The following SCARB2 variants were observed in gnomAD, a reference collection of about 807,000 sequenced individuals.
SCARB2 encodes the protein scavenger receptor class B member 2.
Under a neutral mutation model 58.6 loss-of-function variants are expected in SCARB2, and 29 were observed. The ratio of observed to expected loss-of-function variants is 0.49; its 90% confidence interval spans 0.37 to 0.67. The LOEUF is 0.67. SCARB2 is among the 30% of genes least tolerant of loss of function. SCARB2 has a pLI of 0.00. For missense variants in SCARB2, 488 were observed against 578.5 expected, an observed-to-expected ratio of 0.84 and a Z score of 1.60; for synonymous variants, 195 against 210.1, an observed-to-expected ratio of 0.93 and a Z score of 0.62.
At chr4:76,180,850 C>A in intron 3 of SCARB2, 104 bp downstream of exon 3, 2 of 967,204 alleles carry the variant, frequency 2.1e-6, no homozygotes. Flanking sequence ...ATGTATATTT[C>A]AACATAACTT....
In SCARB2 at chr4:76,210,310, T is replaced by C. The variant is rs10034234; in HGVS notation, c.117+3117A>G. 6.9e-3 allele frequency among the ~76,000 whole-genome samples: 1,048 copies of C among 152,262 alleles called. 9 individuals carry two copies. Among genetic ancestry groups the C allele is most frequent in the African/African-American group, 0.024 (977 of 41,532 alleles). On this transcript the variant is annotated intron_variant, in intron 1 of 11. Coordinates refer to ENST00000264896, the MANE Select transcript of SCARB2 (RefSeq NM_005506.4). ...TGTTCAGCTTAGTCCAAGAAATCCT[T>C]AGGGACAGAAAAAAAATGTTTGATT...
At chr4:76,187,580 T>C (rs1270182369) in intron 2 of SCARB2, among the ~76,000 whole-genome samples, 4 of 152,208 alleles carry the variant, frequency 2.6e-5, no homozygotes, top group African/African-American at 4.8e-5. Flanking sequence ...AAAAATCCTA[T>C]GCTATAACAT....
Position 76,169,967 on chromosome 4 carries a change from G to T in SCARB2, c.1013C>A (p.Ser338Tyr). The change falls in exon 8 of 12, where the codon TCT (serine) becomes TAT (tyrosine). Residue 338 changes from serine to tyrosine, a missense_variant. By Grantham distance (144) the Ser-to-Tyr change is moderately radical (BLOSUM62 -2). Coordinates refer to ENST00000264896, the MANE Select transcript of SCARB2 (RefSeq NM_005506.4). ...ATCTGCTTGGTAAAAGTGTGGGAAA[G>T]ACATAATGATGGGTGCACCTGCATT... is the stretch of plus-strand genomic sequence containing the variant. ...ICKNGAPIIMSFPHFYQADER... is the reference protein window; with the variant it reads ...ICKNGAPIIMYFPHFYQADER... 6.2e-7 allele frequency: 1 copy of T among 1,613,852 alleles called. No homozygotes were observed. The highest frequency in any genetic ancestry group is 8.5e-7 in the Non-Finnish European group (1 of 1,179,818).
intron 2 of SCARB2, among the ~76,000 whole-genome samples, chr4:76,190,602 G>A (rs6831345): frequency 0.1 from 15,494 of 152,088 alleles, 1,015 homozygotes; most frequent in East Asian, 0.21. Context: ...TGGTCAACAT[G>A]GTGAAACCTT....
At chr4:76,213,113 T>C (rs931134478) in intron 1 of SCARB2, 24 of 382,844 alleles carry the variant, frequency 6.3e-5, no homozygotes, top group Admixed American at 1.1e-4. Context: ...GGAAACAAGT[T>C]TGGGCCCACC....
intron 2 of SCARB2, among the ~76,000 whole-genome samples, chr4:76,190,285 T>C (rs984376749): frequency 8.5e-5 from 13 of 152,118 alleles, no homozygotes; most frequent in Non-Finnish European, 1.2e-4. Context: ...GCTGGGATTA[T>C]AGGTGTGAGC....
intron 2 of SCARB2, among the ~76,000 whole-genome samples, chr4:76,183,799 A>G (rs986741901): frequency 6.6e-6 from 1 of 152,192 alleles, no homozygotes; most frequent in African/African-American, 2.4e-5. Context: ...CCCATCCAGG[A>G]GCCATAGAGG....
chr4:76,168,107 T>A (rs1236922956), intron 9 of SCARB2, among the ~76,000 whole-genome samples: 2 of 152,232 alleles, frequency 1.3e-5, no homozygotes, highest in Non-Finnish European at 2.9e-5. Flanking sequence ...ACCTAAACAC[T>A]CTGCTTCTGT....
intron 2 of SCARB2, among the ~76,000 whole-genome samples, chr4:76,188,082 C>T (rs955753103): frequency 2.6e-5 from 4 of 152,000 alleles, no homozygotes; most frequent in African/African-American, 4.8e-5. Context: ...TAGAAATACG[C>T]AAATTAATTG....
intron 7 of SCARB2, among the ~76,000 whole-genome samples, chr4:76,170,971 T>TATATATATATATATATATATATATAA (rs34900504): frequency 7.5e-5 from 10 of 133,826 alleles, no homozygotes; most frequent in East Asian, 2.1e-4. Flanking sequence ...TATATATATA[T>TATATATATATATATATATATATATAA]AACCAAATAG....
At chr4:76,234,112 T>A (rs1376106300) in intron 1 of SCARB2, among the ~76,000 whole-genome samples, 1 of 152,058 alleles carries the variant, frequency 6.6e-6, no homozygotes, top group East Asian at 1.9e-4. Flanking sequence ...GCCATGTGTC[T>A]CAGCCCAGGC....
In SCARB2 at chr4:76,179,576, A is replaced by G. The variant is rs1578723137; in HGVS notation, c.553T>C (p.Leu185=). 1.2e-6 allele frequency: 2 copies of G among 1,614,218 alleles called. No individual in the cohort carries two copies. The highest frequency in any genetic ancestry group is 2.7e-5 in the African/African-American group (2 of 75,068). Reference sequence around the variant, plus strand: ...GGCCTGAAAACATGGATAAGGGACAAGATTTCATCTTTGTAGCCCCAGAGC... The same window carrying G: ...GGCCTGAAAACATGGATAAGGGACAGGATTTCATCTTTGTAGCCCCAGAGC... The part of the protein sequence containing the change: ...ELLWGYKDEI[L]SLIHVFRPDI... The change falls in exon 4 of 12, where the codon TTG becomes CTG. Residue 185 remains leucine (L), a synonymous_variant. Coordinates refer to ENST00000264896, the MANE Select transcript of SCARB2 (RefSeq NM_005506.4).
intron 2 of SCARB2, among the ~76,000 whole-genome samples, chr4:76,186,894 A>T (rs1013058751): frequency 5.9e-5 from 9 of 152,184 alleles, no homozygotes; most frequent in African/African-American, 2.2e-4. Flanking sequence ...CCAATCTAAA[A>T]ACACTATCAG....
At chr4:76,166,342 A>T (rs1244856164) in intron 9 of SCARB2, 41 bp from the exon 10 acceptor site, 13 of 1,577,176 alleles carry the variant, frequency 8.2e-6, no homozygotes, top group Non-Finnish European at 1.0e-5. Flanking sequence ...AAACATCCTC[A>T]TCACAATGGC....
upstream of SCARB2, among the ~76,000 whole-genome samples, chr4:76,216,431 G>T (rs886072072): frequency 6.6e-6 from 1 of 152,042 alleles, no homozygotes; most frequent in Non-Finnish European, 1.5e-5. Context: ...TCTGTTTGCG[G>T]GCTCCATTCT....
At chr4:76,228,045 T>C (rs934073726) in intron 1 of SCARB2, among the ~76,000 whole-genome samples, 3 of 152,194 alleles carry the variant, frequency 2.0e-5, no homozygotes, top group African/African-American at 7.2e-5. Flanking sequence ...AGTATTGAGA[T>C]GTAAGGTACT....
chr4:76,177,716 A>G (rs894951055), intron 4 of SCARB2, among the ~76,000 whole-genome samples: 8 of 152,270 alleles, frequency 5.3e-5, no homozygotes, highest in African/African-American at 1.7e-4. Context: ...GAACACTGAT[A>G]CATGCTACAA....
chr4:76,197,778 A>G (rs1056250044), intron 1 of SCARB2, among the ~76,000 whole-genome samples: 9 of 152,332 alleles, frequency 5.9e-5, no homozygotes, highest in Middle Eastern at 6.8e-3. Context: ...GAGAATTTGT[A>G]TCAGTTATAA....
rs188645506 is a variant in SCARB2 at position 76,231,479 on chromosome 4, A to G, written c.-358+2824T>C. On this transcript the variant is annotated intron_variant, in intron 1 of 11. Transcript: ENST00000638295. ...TTTAGAATTTAATGACAAATATATG[A>G]TAGGTTTTGAAACACGATTTCTCAC... 6.7e-3 allele frequency among the ~76,000 whole-genome samples: 1,028 copies of G among 152,316 alleles called. 4 individuals carry two copies. The highest frequency in any genetic ancestry group is 0.011 in the Non-Finnish European group (781 of 68,022).
Sources: allele counts gnomAD v4.1 joint callset (sites outside exome capture counted in the v4.1 genomes callset), GRCh38; gene constraint gnomAD v4.1.1; transcripts MANE v1.5; gene names NCBI Gene and HGNC (gene_info 2026-07-23, HGNC 2026-07-21).